The following MS4A2 variants were observed in gnomAD, a reference collection of about 807,000 sequenced individuals.
The protein encoded by MS4A2 is membrane spanning 4-domains A2, also known as high affinity immunoglobulin epsilon receptor subunit beta.
MS4A2 carries 26 observed loss-of-function variants against 27.9 expected under a neutral mutation model. That is an observed-to-expected ratio of 0.93 (90% confidence interval 0.68 to 1.29). The LOEUF (loss-of-function observed/expected upper bound fraction) is 1.29. Ranked by LOEUF, MS4A2 falls within the 50% of genes most tolerant of loss-of-function variation. MS4A2 has a pLI of 0.00. For missense variants in MS4A2, 284 were observed against 284.6 expected, an observed-to-expected ratio of 1.00 and a Z score of 0.01; for synonymous variants, 110 against 98.8, an observed-to-expected ratio of 1.11 and a Z score of -0.67.
In MS4A2 at chr11:60,098,379, T is replaced by C. The variant is rs1855905646; in HGVS notation, c.*2723T>C. 6.6e-6 allele frequency: 1 copy of C among 152,252 alleles called. No homozygotes were observed. The highest frequency in any genetic ancestry group is 2.1e-4 in the South Asian group (1 of 4,836). The allele number at this position is 152,252 out of a possible 1,614,324, so 9.4% of individuals were successfully genotyped here. Reference sequence around the variant, plus strand: ...ACTACTCTATCCCACGATGCAGTATTGTATCATTAATTATTAGTGTGCTTG... The same window carrying C: ...ACTACTCTATCCCACGATGCAGTATCGTATCATTAATTATTAGTGTGCTTG... On this transcript the variant is annotated 3_prime_UTR_variant, in exon 7 of 7. Transcript: ENST00000278888.
In MS4A2 at chr11:60,089,684, T is replaced by G; in HGVS notation, c.57-8T>G. On this transcript the variant is annotated splice_polypyrimidine_tract_variant and splice_region_variant and intron_variant, in intron 1 of 6. Coordinates refer to ENST00000278888, the MANE Select transcript of MS4A2 (RefSeq NM_000139.5). ...TTCTCATGACTGAATTGCTTTTAAA[T>G]TTCACAGTGTGCCTGCATTTGAAGT... The G allele has an allele frequency of 6.2e-7, 1 of 1,614,150 alleles. No individual in the cohort carries two copies.
chr11:60,089,822 G>A lies in MS4A2; in HGVS notation c.186+1G>A, dbSNP rs1164818354. ...GAAAAAAGAGCAGGAGTTCCTGGGGGTGAGTGAGCCTCCTCCAACTTTGAC... is the reference window on the plus strand; with the variant it reads ...GAAAAAAGAGCAGGAGTTCCTGGGGATGAGTGAGCCTCCTCCAACTTTGAC... On this transcript the variant is annotated splice_donor_variant, in intron 2 of 6. Coordinates refer to ENST00000278888, the MANE Select transcript of MS4A2 (RefSeq NM_000139.5). LOFTEE classifies it high-confidence loss of function. The A allele has an allele frequency of 6.2e-7, 1 of 1,613,984 alleles. No individual in the cohort carries two copies. The highest frequency in any genetic ancestry group is 8.5e-7 in the Non-Finnish European group (1 of 1,179,972).
At chr11:60,089,262 G>T (rs1855712754) in intron 1 of MS4A2, among the ~76,000 whole-genome samples, 1 of 152,180 alleles carries the variant, frequency 6.6e-6, no homozygotes, top group African/African-American at 2.4e-5. Flanking sequence ...GTCCCATCTA[G>T]CTATTCAAAG....
chr11:60,096,630 TC>T lies in MS4A2; in HGVS notation c.*977del, dbSNP rs929148989. 18 of 152,090 alleles carry T rather than the reference TC, an allele frequency of 1.2e-4. No homozygotes were observed. The highest frequency in any genetic ancestry group is 4.1e-4 in the African/African-American group (17 of 41,390). 9.4% of individuals were successfully genotyped at this position (152,090 alleles called of 1,614,324 possible). On this transcript the variant is annotated 3_prime_UTR_variant, in exon 7 of 7. Transcript: ENST00000278888. ...CGGGCGCGGAGGCTCACGCCTGTAA[TC>T]CCAGCCCTTTGGGAGGCCGAGGTGG...
At chr11:60,092,966 AT>A (rs1218033618) in intron 4 of MS4A2, 118 bp downstream of exon 4, 27 of 1,027,540 alleles carry the variant, frequency 2.6e-5, no homozygotes, top group Non-Finnish European at 4.0e-5. Context: ...TGGATATATG[AT>A]TTTGTTTCAA....
rs1247863489 is a variant in MS4A2, at chr11:60,095,630, G to T, written c.709G>T (p.Glu237Ter). The change falls in exon 7 of 7, where the codon GAA becomes TAA. Residue 237 changes from glutamate (E) to a stop codon, truncating the protein, a stop_gained. Coordinates refer to ENST00000278888, the MANE Select transcript of MS4A2 (RefSeq NM_000139.5). LOFTEE classifies it high-confidence loss of function. ...ATYSELEDPG[E>*]MSPPIDL The stretch of plus-strand genomic sequence containing the variant: ...TTACAGTGAGTTGGAAGACCCAGGG[G>T]AAATGTCTCCTCCCATTGATTTATA... 6.2e-7 allele frequency: 1 copy of T among 1,609,914 alleles called. No homozygotes were observed. Among genetic ancestry groups the T allele is most frequent in the Non-Finnish European group, 8.5e-7 (1 of 1,176,202 alleles).
chr11:60,091,377 G>C (rs1855755612), intron 3 of MS4A2, among the ~76,000 whole-genome samples: 1 of 152,082 alleles, frequency 6.6e-6, no homozygotes, highest in Non-Finnish European at 1.5e-5. Flanking sequence ...AGGTCTAATT[G>C]ACATATAATA....
rs147011383 is a variant in MS4A2 at position 60,093,971 on chromosome 11, T to C, written c.545T>C (p.Val182Ala). The C allele has an allele frequency of 2.4e-5, 39 of 1,612,486 alleles. No individual in the cohort carries two copies. The African/African-American group carries it at 4.1e-4, about 17-fold the overall frequency. ...CFMASFSTEI[V>A]VMMLFLTILG... is the part of the protein sequence containing the mutation. ...TTTGTTGCTGTTCAATAGGAAATTG[T>C]AGTGATGATGCTGTTTCTCACCATT... Residue 182 changes from valine to alanine, a missense_variant, in exon 6 of 7, where the codon GTA becomes GCA. Val to Ala is a moderately conservative substitution (Grantham distance 64, BLOSUM62 0). Coordinates refer to ENST00000278888, the MANE Select transcript of MS4A2 (RefSeq NM_000139.5).
At chr11:60,090,858 A>T (rs1855746464) in intron 3 of MS4A2, among the ~76,000 whole-genome samples, 1 of 152,182 alleles carries the variant, frequency 6.6e-6, no homozygotes, top group Non-Finnish European at 1.5e-5. Flanking sequence ...GTCAACTAAA[A>T]ATAACAACAA....
chr11:60,093,824 G>GTA, intron 5 of MS4A2, 140 bp from the exon 6 acceptor site: 1 of 731,170 alleles, frequency 1.4e-6, no homozygotes, highest in East Asian at 2.7e-5. Flanking sequence ...GTGTGTGTGT[G>GTA]TGTGTGTGTG....
intron 2 of MS4A2, 47 bp from the exon 3 acceptor site, chr11:60,090,289 C>G: frequency 1.3e-6 from 2 of 1,595,930 alleles, no homozygotes; most frequent in African/African-American, 1.3e-5. Flanking sequence ...GATACAATCT[C>G]GGGAAAATTT....
Sources: gnomAD v4.1 joint callset for allele counts (sites outside exome capture counted in the v4.1 genomes callset) on GRCh38, gnomAD v4.1.1 for gene constraint, MANE v1.5 for transcripts, NCBI Gene and HGNC (gene_info 2026-07-23, HGNC 2026-07-21) for gene names.